The following TAS2R1 variants were observed in gnomAD, a reference collection of about 807,000 sequenced individuals.
TAS2R1 encodes the protein taste 2 receptor member 1, also known as taste receptor type 2 member 1.
For synonymous variants in TAS2R1, 141 were observed against 134.2 expected (o/e 1.05, Z -0.35); for missense variants, 370 against 353.4 (o/e 1.05, Z -0.38).
At chr5:9,762,575 G>C in the TAS2R1 span, among the ~76,000 whole-genome samples, 4 of 152,182 alleles carry the variant, frequency 2.6e-5, no homozygotes, top group Non-Finnish European at 1.5e-5. Context: ...ATTGTCTTCG[G>C]AACTTTCACT....
chr5:9,676,455 A>G (rs139634006), intron 1 of TAS2R1, among the ~76,000 whole-genome samples: 235 of 152,356 alleles, frequency 1.5e-3, no homozygotes, highest in African/African-American at 5.3e-3. Flanking sequence ...AGACCTACAC[A>G]AAATATTCAA....
the TAS2R1 span, among the ~76,000 whole-genome samples, chr5:9,772,945 A>G: frequency 6.6e-6 from 1 of 152,046 alleles, no homozygotes; most frequent in Admixed American, 6.6e-5. Flanking sequence ...TTTTTCATCC[A>G]TTCAGCCACT....
the TAS2R1 span, among the ~76,000 whole-genome samples, chr5:9,742,549 C>T: frequency 2.6e-5 from 4 of 152,198 alleles, no homozygotes; most frequent in African/African-American, 9.6e-5. Flanking sequence ...TTGAACCTGA[C>T]TCTACCTTAC....
At chr5:9,829,986 T>A in the TAS2R1 span, among the ~76,000 whole-genome samples, 1 of 152,218 alleles carries the variant, frequency 6.6e-6, no homozygotes, top group Non-Finnish European at 1.5e-5. Flanking sequence ...CTTTGTGACC[T>A]TATCTTTGTG....
intron 1 of TAS2R1, among the ~76,000 whole-genome samples, chr5:9,710,493 G>A (rs1424530487): frequency 6.6e-6 from 1 of 152,066 alleles, no homozygotes; most frequent in East Asian, 1.9e-4. Flanking sequence ...ACCAAAAATG[G>A]GCAAACAAAA....
At chr5:9,832,342 T>A in the TAS2R1 span, among the ~76,000 whole-genome samples, 1 of 152,222 alleles carries the variant, frequency 6.6e-6, no homozygotes, top group South Asian at 2.1e-4. Context: ...CAAAACATGC[T>A]GGTGATTGTC....
the TAS2R1 span, among the ~76,000 whole-genome samples, chr5:9,842,898 C>A: frequency 6.6e-6 from 1 of 151,994 alleles, no homozygotes; most frequent in East Asian, 1.9e-4. Flanking sequence ...AGTCTCTTGC[C>A]CATACAATCT....
chr5:9,742,926 C>G, the TAS2R1 span, among the ~76,000 whole-genome samples: 2 of 151,946 alleles, frequency 1.3e-5, no homozygotes, highest in Non-Finnish European at 2.9e-5. Context: ...GTCAGAGAAA[C>G]AGTCAGAGAA....
the TAS2R1 span, chr5:9,883,342 A>G: frequency 6.6e-6 from 1 of 152,284 alleles, no homozygotes; most frequent in Admixed American, 6.5e-5. Context: ...CCTGTGTAAC[A>G]AAGCTGCACA....
At chr5:9,815,833 A>G in the TAS2R1 span, among the ~76,000 whole-genome samples, 3 of 152,220 alleles carry the variant, frequency 2.0e-5, no homozygotes, top group Admixed American at 6.5e-5. Context: ...AAACAAAACT[A>G]TATTTATATC....
At chr5:9,675,294 CA>C (rs1333224379) in intron 1 of TAS2R1, among the ~76,000 whole-genome samples, 5 of 151,520 alleles carry the variant, frequency 3.3e-5, no homozygotes, top group Middle Eastern at 3.5e-3. Flanking sequence ...AAAATCCCAG[CA>C]GGCTATTTTG....
intron 1 of TAS2R1, among the ~76,000 whole-genome samples, chr5:9,694,421 A>C (rs147888362): frequency 5.3e-4 from 81 of 152,312 alleles, no homozygotes; most frequent in African/African-American, 1.9e-3. Flanking sequence ...GTTTTTGTAC[A>C]CAAAAAAGTA....
intron 1 of TAS2R1, among the ~76,000 whole-genome samples, chr5:9,663,787 G>A (rs1011874888): frequency 1.3e-4 from 20 of 152,158 alleles, no homozygotes; most frequent in African/African-American, 4.1e-4. Context: ...TTTGAGATGA[G>A]ATTATCCTGG....
At chr5:9,805,847 T>C in the TAS2R1 span, among the ~76,000 whole-genome samples, 1 of 151,962 alleles carries the variant, frequency 6.6e-6, no homozygotes, top group Non-Finnish European at 1.5e-5. Context: ...AAGACAAGGA[T>C]ACCCAGGTTC....
intron 1 of TAS2R1, among the ~76,000 whole-genome samples, chr5:9,708,760 A>G (rs988836105): frequency 3.3e-5 from 5 of 152,170 alleles, no homozygotes; most frequent in Non-Finnish European, 7.4e-5. Context: ...GGAGAAAGTC[A>G]TGGAATGCCC....
intron 1 of TAS2R1, among the ~76,000 whole-genome samples, chr5:9,711,307 T>C (rs1460518125): frequency 6.6e-6 from 1 of 152,082 alleles, no homozygotes; most frequent in South Asian, 2.1e-4. Context: ...ATACAGTATA[T>C]CCATACAATG....
intron 2 of TAS2R1, among the ~76,000 whole-genome samples, chr5:9,643,338 T>C (rs978361891): frequency 2.0e-5 from 3 of 152,218 alleles, no homozygotes; most frequent in African/African-American, 7.2e-5. Flanking sequence ...CTGAATGCTG[T>C]AGGCAGTTAT....
At chr5:9,836,813 G>T in the TAS2R1 span, among the ~76,000 whole-genome samples, 1 of 152,238 alleles carries the variant, frequency 6.6e-6, no homozygotes, top group East Asian at 1.9e-4. Context: ...GGAGGACAAG[G>T]CTTATACTTG....
chr5:9,839,001 C>T, the TAS2R1 span, among the ~76,000 whole-genome samples: 7 of 152,158 alleles, frequency 4.6e-5, no homozygotes, highest in East Asian at 1.2e-3. Flanking sequence ...TTCCAGAAGC[C>T]GATGGAAAAA....
Sources: allele counts gnomAD v4.1 joint callset (sites outside exome capture counted in the v4.1 genomes callset), GRCh38; gene constraint gnomAD v4.1.1; transcripts MANE v1.5; gene names NCBI Gene and HGNC (gene_info 2026-07-23, HGNC 2026-07-21).